SIN3A: variants seen among roughly 807,000 people sequenced by gnomAD.
SIN3A encodes SIN3 transcription regulator family member A, also known as paired amphipathic helix protein Sin3a.
SIN3A carries 14 observed loss-of-function variants against 146.1 expected under a neutral mutation model. The ratio of observed to expected loss-of-function variants is 0.10; its 90% CI spans 0.06 to 0.15. SIN3A has a LOEUF of 0.15. Ranked by LOEUF, SIN3A falls within the 10% of genes least tolerant of loss-of-function variation. The pLI, the probability that SIN3A is intolerant of heterozygous loss-of-function variation, is 1.00. For synonymous variants in SIN3A, 572 were observed against 572.0 expected (o/e 1.00, Z 0.00); for missense variants, 1,028 against 1,576.0 (o/e 0.65, Z 5.89).
intron 5 of SIN3A, 132 bp downstream of exon 5, chr15:75,412,631 C>T: frequency 1.1e-6 from 1 of 911,224 alleles, no homozygotes; most frequent in Non-Finnish European, 1.6e-6. Flanking sequence ...AGTTTTCATA[C>T]AGCATTTTTC....
rs1352180427 is a variant in SIN3A, at chr15:75,412,752, C to G, written c.756+11G>C. 1 of 1,551,548 alleles carries G rather than the reference C, an allele frequency of 6.4e-7. No homozygotes were observed. Among genetic ancestry groups the G allele is most frequent in the Non-Finnish European group, 8.7e-7 (1 of 1,150,104 alleles). Reference sequence around the variant, plus strand: ...GCATTCATATTGATGCAATATTTTCCAAGTGCTCACCTTGCTGACTTTGGC... The same window carrying G: ...GCATTCATATTGATGCAATATTTTCGAAGTGCTCACCTTGCTGACTTTGGC... On this transcript the variant is annotated intron_variant, in intron 5 of 20. Transcript: ENST00000394947.
At chr15:75,436,927 G>A (rs1230664136) in intron 1 of SIN3A, among the ~76,000 whole-genome samples, 2 of 152,082 alleles carry the variant, frequency 1.3e-5, no homozygotes, top group Non-Finnish European at 2.9e-5. Flanking sequence ...AGAACACAGG[G>A]GTATAGAGCA....
At chr15:75,419,902 AT>A (rs1165221879) in intron 3 of SIN3A, 8 of 152,188 alleles carry the variant, frequency 5.3e-5, no homozygotes, top group African/African-American at 1.9e-4. Context: ...CACATAATAA[AT>A]AAGACACCTA....
intron 16 of SIN3A, among the ~76,000 whole-genome samples, chr15:75,384,697 G>A (rs1488125887): frequency 2.6e-5 from 4 of 152,056 alleles, no homozygotes; most frequent in Non-Finnish European, 5.9e-5. Context: ...GAACCATAGA[G>A]AACTCAGGAT....
chr15:75,447,040 T>C (rs974689425), intron 1 of SIN3A, among the ~76,000 whole-genome samples: 1 of 152,198 alleles, frequency 6.6e-6, no homozygotes, highest in Non-Finnish European at 1.5e-5. Flanking sequence ...GTGCTGGTAT[T>C]ACAGGCATGG....
rs372034400 is a variant in SIN3A, at chr15:75,375,818, T to C, written c.3438A>G (p.Glu1146=). The change falls in exon 20 of 21, where the codon GAA becomes GAG. Residue 1146 remains glutamate, a synonymous_variant. Transcript: ENST00000394947. ...CQRGREQQEK[E]GKEGNSKKTM... ...TCTTCTTGCTGTTTCCTTCCTTCCC[T>C]TCCTTTTCCTGCTGCTCTCGACCAC... The C allele has an allele frequency of 4.2e-4, 674 of 1,614,086 alleles. No individual in the cohort carries two copies. The highest frequency in any genetic ancestry group is 5.4e-4 in the Non-Finnish European group (636 of 1,180,040).
chr15:75,421,800 A>G (rs1391684815), intron 3 of SIN3A: 2 of 152,214 alleles, frequency 1.3e-5, no homozygotes, highest in Non-Finnish European at 2.9e-5. Flanking sequence ...CAACAATCAC[A>G]TATTTTGAAA....
intron 12 of SIN3A, among the ~76,000 whole-genome samples, chr15:75,397,710 A>C (rs2141443674): frequency 6.6e-6 from 1 of 152,282 alleles, no homozygotes; most frequent in Non-Finnish European, 1.5e-5. Context: ...CCAAATCTTA[A>C]ACACATGCAC....
At chr15:75,408,609 T>G (rs1385473632) in intron 8 of SIN3A, among the ~76,000 whole-genome samples, 2 of 152,224 alleles carry the variant, frequency 1.3e-5, no homozygotes, top group African/African-American at 4.8e-5. Flanking sequence ...GGGAGCAAGC[T>G]AAGTTTTCTG....
intron 2 of SIN3A, among the ~76,000 whole-genome samples, chr15:75,429,281 C>T (rs2073975834): frequency 6.6e-6 from 1 of 152,042 alleles, no homozygotes; most frequent in South Asian, 2.1e-4. Context: ...ATTAGCCAGG[C>T]ATGGTGGTGT....
At chr15:75,401,800 A>G in intron 10 of SIN3A, 52 bp downstream of exon 10, 1 of 1,068,784 alleles carries the variant, frequency 9.4e-7, no homozygotes, top group Non-Finnish European at 1.4e-6. Context: ...CAAATCAAAC[A>G]TTACCTGGTC....
intron 2 of SIN3A, among the ~76,000 whole-genome samples, chr15:75,429,254 C>T (rs1315496123): frequency 6.6e-6 from 1 of 152,000 alleles, no homozygotes; most frequent in Non-Finnish European, 1.5e-5. Flanking sequence ...CACCTCATCT[C>T]TACAAAAATC....
At chr15:75,392,906 A>C in intron 14 of SIN3A, 91 bp from the exon 15 acceptor site, 1 of 948,106 alleles carries the variant, frequency 1.1e-6, no homozygotes, top group Non-Finnish European at 1.6e-6. Flanking sequence ...CCCATTATCA[A>C]CCACAGTGTC....
At chr15:75,443,001 G>T (rs1399339143) in intron 1 of SIN3A, among the ~76,000 whole-genome samples, 1 of 151,604 alleles carries the variant, frequency 6.6e-6, no homozygotes, top group Non-Finnish European at 1.5e-5. Flanking sequence ...GTATATGGGT[G>T]GAGACAGAAT....
At chr15:75,393,820 G>A (rs931461959) in intron 14 of SIN3A, among the ~76,000 whole-genome samples, 1 of 151,028 alleles carries the variant, frequency 6.6e-6, no homozygotes, top group African/African-American at 2.4e-5. Flanking sequence ...TTATTTTATT[G>A]ATTTTGAGAC....
intron 10 of SIN3A, 45 bp from the exon 11 acceptor site, chr15:75,400,985 G>T: frequency 7.3e-7 from 1 of 1,376,942 alleles, no homozygotes. Flanking sequence ...GGGGCAGGAT[G>T]CAGTTATCCT....
chr15:75,422,864 T>C, intron 2 of SIN3A, 41 bp from the exon 3 acceptor site: 2 of 1,576,310 alleles, frequency 1.3e-6, no homozygotes, highest in South Asian at 2.2e-5. Flanking sequence ...TCAAGGCTTG[T>C]ACATTCTTCC....
intron 11 of SIN3A, 32 bp from the exon 12 acceptor site, chr15:75,400,188 AGCCT>A: frequency 8.2e-7 from 1 of 1,214,676 alleles, no homozygotes; most frequent in African/African-American, 1.5e-5. Flanking sequence ...CTGAAACAAA[AGCCT>A]AAAAAAGCTT....
intron 2 of SIN3A, among the ~76,000 whole-genome samples, chr15:75,424,815 G>A (rs891999020): frequency 6.6e-6 from 1 of 152,098 alleles, no homozygotes; most frequent in African/African-American, 2.4e-5. Flanking sequence ...AAATGATCAT[G>A]TCCAATTGCT....
Sources: allele counts gnomAD v4.1 joint callset (sites outside exome capture counted in the v4.1 genomes callset), GRCh38; gene constraint gnomAD v4.1.1; transcripts MANE v1.5; gene names NCBI Gene and HGNC (gene_info 2026-07-23, HGNC 2026-07-21).